The following RMND1 variants were observed in gnomAD, a reference collection of about 807,000 sequenced individuals.
RMND1 encodes required for meiotic nuclear division protein 1 homolog.
A neutral mutation model predicts 54.0 loss-of-function variants in RMND1; 41 were observed. That is an observed-to-expected ratio of 0.76 (90% CI 0.59 to 0.98). The LOEUF is 0.98. Among genes scored for constraint, RMND1 ranks in the 50% least tolerant of loss-of-function variants. RMND1 has a pLI of 0.00. For missense variants in RMND1, 457 were observed against 532.0 expected (o/e 0.86, Z 1.39); for synonymous variants, 183 against 181.7 (o/e 1.01, Z -0.06).
intron 2 of RMND1, chr6:151,444,847 C>T (rs1160747025): frequency 6.5e-6 from 1 of 153,562 alleles, no homozygotes; most frequent in African/African-American, 2.4e-5. Flanking sequence ...GCCCTCCTCT[C>T]CTGCTGCTTT....
intron 1 of RMND1, among the ~76,000 whole-genome samples, chr6:151,449,663 G>A (rs558187560): frequency 3.3e-5 from 5 of 150,892 alleles, no homozygotes; most frequent in African/African-American, 9.7e-5. Flanking sequence ...CTCTCCCCAC[G>A]GTCCCCCTCT....
intron 10 of RMND1, among the ~76,000 whole-genome samples, chr6:151,414,512 G>C (rs890895725): frequency 2.0e-5 from 3 of 152,084 alleles, no homozygotes; most frequent in Non-Finnish European, 4.4e-5. Context: ...GATGATGTTA[G>C]AGCAACCATC....
At chr6:151,427,445 A>T in intron 6 of RMND1, 37 bp downstream of exon 6, 2 of 1,232,768 alleles carry the variant, frequency 1.6e-6, no homozygotes, top group Non-Finnish European at 2.4e-6. Context: ...ATTTATTCCA[A>T]GTGCCCCTTT....
chr6:151,434,596 A>G (rs906646484), intron 3 of RMND1, among the ~76,000 whole-genome samples: 1 of 152,178 alleles, frequency 6.6e-6, no homozygotes, highest in Non-Finnish European at 1.5e-5. Flanking sequence ...GCAAATTTTC[A>G]TACCAAGGGG....
chr6:151,437,087 G>C (rs1224839675), intron 2 of RMND1, among the ~76,000 whole-genome samples: 1 of 152,188 alleles, frequency 6.6e-6, no homozygotes, highest in African/African-American at 2.4e-5. Context: ...GTCTTGGTTT[G>C]GTTTGTACTT....
intron 2 of RMND1, chr6:151,444,400 A>C (rs1363635170): frequency 6.6e-6 from 1 of 152,238 alleles, no homozygotes; most frequent in Non-Finnish European, 1.5e-5. Context: ...CCAGAATCCA[A>C]CACAAAAACC....
In RMND1 at chr6:151,423,642, CAA is replaced by C. The variant is rs746367147; in HGVS notation, c.831-13_831-12del. 6.5e-7 allele frequency: 1 copy of C among 1,546,466 alleles called. No individual in the cohort carries two copies. The highest frequency in any genetic ancestry group is 8.9e-7 in the Non-Finnish European group (1 of 1,119,826). ...AGTTTTGACTGTCCCCTGTGAAAAG[CAA>C]AAAGATAATACCTTCTAAATCTTAA... is the stretch of plus-strand genomic sequence containing the variant. On this transcript the variant is annotated splice_polypyrimidine_tract_variant and intron_variant, in intron 6 of 11. Transcript: ENST00000444024.
At chr6:151,423,677 T>A in intron 6 of RMND1, 46 bp from the exon 7 acceptor site, 1 of 1,317,628 alleles carries the variant, frequency 7.6e-7, no homozygotes, top group Non-Finnish European at 1.1e-6. Context: ...TAAAAAGCAC[T>A]TTAACTTTTC....
At chr6:151,420,991 G>C (rs1780134761) in intron 9 of RMND1, 2 of 293,632 alleles carry the variant, frequency 6.8e-6, no homozygotes, top group Non-Finnish European at 1.3e-5. Flanking sequence ...AACACCTACT[G>C]TGCTCCTTAA....
chr6:151,433,664 A>G (rs975556807), intron 3 of RMND1, among the ~76,000 whole-genome samples: 7 of 152,168 alleles, frequency 4.6e-5, no homozygotes, highest in Admixed American at 1.3e-4. Context: ...CAATTTTAAC[A>G]TTCCCAAACT....
chr6:151,426,433 C>G (rs1229606062), intron 6 of RMND1, among the ~76,000 whole-genome samples: 1 of 152,140 alleles, frequency 6.6e-6, no homozygotes, highest in African/African-American at 2.4e-5. Context: ...CTTAGTGAAA[C>G]TGGTACACCA....
intron 3 of RMND1, 82 bp downstream of exon 3, chr6:151,436,364 C>G: frequency 6.7e-7 from 1 of 1,500,600 alleles, no homozygotes; most frequent in Non-Finnish European, 9.2e-7. Flanking sequence ...GAATTGCAAA[C>G]AAATACATAC....
intron 1 of RMND1, among the ~76,000 whole-genome samples, chr6:151,447,957 G>A (rs1396381355): frequency 6.6e-6 from 1 of 151,968 alleles, no homozygotes; most frequent in Non-Finnish European, 1.5e-5. Context: ...GGGATTACAG[G>A]TGTCTGCCAC....
At chr6:151,435,898 A>G (rs1383865824) in intron 3 of RMND1, among the ~76,000 whole-genome samples, 1 of 151,274 alleles carries the variant, frequency 6.6e-6, no homozygotes, top group East Asian at 2.0e-4. Flanking sequence ...TGAGGTTGGG[A>G]GTTCGAGGCC....
At chr6:151,423,393 A>AG (rs1780208129) in intron 7 of RMND1, 132 bp downstream of exon 7, 10 of 607,712 alleles carry the variant, frequency 1.6e-5, no homozygotes, top group South Asian at 4.5e-5. Context: ...TTTCTGATGG[A>AG]GGGAAAAAAA....
intron 10 of RMND1, among the ~76,000 whole-genome samples, chr6:151,407,390 T>G (rs1343783251): frequency 1.3e-5 from 2 of 152,196 alleles, no homozygotes; most frequent in Non-Finnish European, 2.9e-5. Flanking sequence ...TCCTTAAGCT[T>G]GCTTCTCTCT....
intron 3 of RMND1, 63 bp downstream of exon 3, chr6:151,436,380 ATAG>A: frequency 1.9e-6 from 3 of 1,582,314 alleles, no homozygotes; most frequent in Non-Finnish European, 2.6e-6. Context: ...CATACTTAAG[ATAG>A]TATCATAGGA....
At position 151,417,299 on chromosome 6, in the gene RMND1, T is replaced by G; in HGVS notation, c.1180A>C (p.Ser394Arg). ...GLYDKTCQFL[S>R]IGRRVKVMNE... ...CGTACCTTAACTCTTCGGCCAATGC[T>G]AAGGAATTGACACGTTTTATCGTAA... The change falls in exon 10 of 12, where the codon AGC becomes CGC. Residue 394 changes from serine to arginine, a missense_variant. Ser to Arg is a moderately radical substitution (Grantham distance 110). Coordinates refer to ENST00000444024, the MANE Select transcript of RMND1 (RefSeq NM_017909.4). 6.2e-7 allele frequency: 1 copy of G among 1,612,470 alleles called. No homozygotes were observed. The highest frequency in any genetic ancestry group is 8.5e-7 in the Non-Finnish European group (1 of 1,179,598).
At position 151,405,145 on chromosome 6, in the gene RMND1, C is replaced by T. The variant is rs1779565089; in HGVS notation, c.*90G>A. ...TTGGCCTCCGAAAGTGCTGGGATTA[C>T]AGGCATGAGGCACCGCGCCGGGCCG... On this transcript the variant is annotated 3_prime_UTR_variant, in exon 12 of 12. Transcript: ENST00000444024. 7 of 1,158,858 alleles carry T rather than the reference C, an allele frequency of 6.0e-6. No homozygotes were observed. Among genetic ancestry groups the T allele is most frequent in the African/African-American group, 1.5e-5 (1 of 65,174 alleles). The allele number at this position is 1,158,858 out of a possible 1,614,324, so 71.8% of individuals were successfully genotyped here.
Sources: allele counts gnomAD v4.1 joint callset (sites outside exome capture counted in the v4.1 genomes callset), GRCh38; gene constraint gnomAD v4.1.1; transcripts MANE v1.5; gene names NCBI Gene and HGNC (gene_info 2026-07-23, HGNC 2026-07-21).